The following EPPIN variants were observed in gnomAD, a reference collection of about 807,000 sequenced individuals.
EPPIN encodes the protein epididymal peptidase inhibitor, also known as WAP four-disulfide core domain protein 7.
In EPPIN, 14 loss-of-function variants were observed where a neutral mutation model predicts 18.8. That is an observed-to-expected ratio of 0.75 (90% confidence interval 0.49 to 1.17). The LOEUF (loss-of-function observed/expected upper bound fraction) is 1.17, where lower values mean the gene tolerates loss of function less well. EPPIN is among the 50% of genes most tolerant of loss of function. The pLI is 0.00. For missense variants in EPPIN, 143 were observed against 154.2 expected, an observed-to-expected ratio of 0.93 and a Z score of 0.39; for synonymous variants, 57 against 54.8, an observed-to-expected ratio of 1.04 and a Z score of -0.18.
chr20:45,541,516 C>G lies in EPPIN; in HGVS notation c.*628G>C, dbSNP rs538044406. 6.6e-6 allele frequency: 1 copy of G among 152,338 alleles called. No individual in the cohort carries two copies. The highest frequency in any genetic ancestry group is 1.5e-5 in the Non-Finnish European group (1 of 68,140). The allele number at this position is 152,338 out of a possible 1,614,324, so 9.4% of individuals were successfully genotyped here. A position where few individuals can be genotyped will look rare whatever the true frequency, so the allele number is the denominator to read the frequency against. On this transcript the variant is annotated 3_prime_UTR_variant, in exon 4 of 4. Transcript: ENST00000354280. ...AATAGACTCTTCTCTCTTCCCTTCT[C>G]TTCCCTGAATTACTCATCTCACTCC...
intron 1 of EPPIN, chr20:45,546,049 G>GT: frequency 2.1e-6 from 1 of 485,894 alleles, no homozygotes. Flanking sequence ...ATAATTCTTT[G>GT]TTTGGGGGGC....
chr20:45,547,288 G>A lies in EPPIN; in HGVS notation c.70C>T (p.Leu24=). 1.2e-6 allele frequency: 2 copies of A among 1,613,970 alleles called. No homozygotes were observed. The highest frequency in any genetic ancestry group is 1.7e-6 in the Non-Finnish European group (2 of 1,179,886). Residue 24 remains leucine (L), a synonymous_variant, in exon 1 of 4, where the codon CTG becomes TTG. Transcript: ENST00000354280. ...TTACTGGGAAATAACCAATCAGTCA[G>A]ACCAGGTCCCTGGACATTCGCTAAG... The part of the protein sequence containing the change: ...VLLANVQGPG[L]TDWLFPRRCP...
At chr20:45,547,207 T>C in intron 1 of EPPIN, 60 bp downstream of exon 1, 1 of 1,610,750 alleles carries the variant, frequency 6.2e-7, no homozygotes, top group Non-Finnish European at 8.5e-7. Context: ...AGTTCTTCCC[T>C]GTTCCTTCCT....
At chr20:45,546,125 C>A in intron 1 of EPPIN, 2 of 354,690 alleles carry the variant, frequency 5.6e-6, no homozygotes, top group Non-Finnish European at 1.0e-5. Context: ...CCAGTAGCAC[C>A]CCTGATTGTA....
At chr20:45,542,325 C>T in intron 3 of EPPIN, 171 bp from the exon 4 acceptor site, 2 of 857,088 alleles carry the variant, frequency 2.3e-6, no homozygotes, top group Non-Finnish European at 3.5e-6. Flanking sequence ...GAATCGCTGC[C>T]AAAGAGTTGT....
chr20:45,547,182 A>C, intron 1 of EPPIN, 85 bp downstream of exon 1: 1 of 1,575,554 alleles, frequency 6.3e-7, no homozygotes, highest in Non-Finnish European at 8.6e-7. Context: ...GGTGGAAAGC[A>C]ACCCACATCT....
At position 45,542,714 on chromosome 20, in the gene EPPIN, G is replaced by A. The variant is rs912074474; in HGVS notation, c.377C>T (p.Thr126Ile). 31 of 1,613,766 alleles carry A rather than the reference G, an allele frequency of 1.9e-5. No individual in the cohort carries two copies. The East Asian group carries it at 6.0e-4, about 31-fold the overall frequency. The change falls in exon 3 of 4, where the codon ACC becomes ATC. Residue 126 changes from threonine (T) to isoleucine (I), a missense_variant. Transcript: ENST00000354280. ...NFQSKANCLNTCKNKRFP is the reference protein window; with the variant it reads ...NFQSKANCLNICKNKRFP ...CTAGGACTTACGTTTATTCTTGCAG[G>A]TGTTCAGGCAGTTGGCTTTGGATTG...
chr20:45,545,573 T>C, intron 2 of EPPIN, 66 bp downstream of exon 2: 1 of 1,608,844 alleles, frequency 6.2e-7, no homozygotes, highest in Non-Finnish European at 8.5e-7. Flanking sequence ...ACAAAGCCAG[T>C]CCAGGAAGGC....
intron 1 of EPPIN, 135 bp from the exon 2 acceptor site, chr20:45,545,905 A>AG: frequency 7.2e-7 from 1 of 1,383,506 alleles, no homozygotes; most frequent in Non-Finnish European, 9.8e-7. Flanking sequence ...TCTTTTCCTC[A>AG]GGGCAGCCTC....
Position 45,547,296 on chromosome 20 carries a change from C to A in EPPIN, c.62G>T (p.Gly21Val), listed in dbSNP as rs1248660436. The A allele has an allele frequency of 6.2e-7, 1 of 1,613,952 alleles. No individual in the cohort carries two copies. Among genetic ancestry groups the A allele is most frequent in the South Asian group, 1.1e-5 (1 of 91,084 alleles). ...AAATAACCAATCAGTCAGACCAGGT[C>A]CCTGGACATTCGCTAAGAGGACGAA... is the stretch of plus-strand genomic sequence containing the variant. Reference protein sequence around the residue: ...VLFVLLANVQGPGLTDWLFPR... With the variant: ...VLFVLLANVQVPGLTDWLFPR... The change falls in exon 1 of 4, where the codon GGA (glycine) becomes GTA (valine). Residue 21 changes from glycine to valine, a missense_variant. Transcript: ENST00000354280.
chr20:45,542,630 G>A, intron 3 of EPPIN, 70 bp downstream of exon 3: 1 of 1,560,566 alleles, frequency 6.4e-7, no homozygotes. Context: ...TCCTGGAATG[G>A]ACCAGCCAAC....
intron 2 of EPPIN, 169 bp from the exon 3 acceptor site, chr20:45,543,036 A>T: frequency 2.7e-6 from 3 of 1,094,466 alleles, no homozygotes; most frequent in Non-Finnish European, 3.7e-6. Context: ...TTGCAAGGAG[A>T]CCCCAGAGTG....
At chr20:45,546,095 AG>A (rs1430302357) in intron 1 of EPPIN, 2 of 417,542 alleles carry the variant, frequency 4.8e-6, no homozygotes, top group Non-Finnish European at 8.4e-6. Context: ...GCAGCATCCC[AG>A]GCCTCTTCCC....
At chr20:45,545,894 T>C (rs1979809779) in intron 1 of EPPIN, 124 bp from the exon 2 acceptor site, 1 of 1,467,814 alleles carries the variant, frequency 6.8e-7, no homozygotes, top group Non-Finnish European at 9.2e-7. Flanking sequence ...CCCCCAGGAG[T>C]TCTTTTCCTC....
intron 2 of EPPIN, chr20:45,545,395 C>A: frequency 1.8e-6 from 1 of 544,914 alleles, no homozygotes; most frequent in Non-Finnish European, 3.0e-6. Flanking sequence ...TGATTCAATG[C>A]CACTGATTCA....
chr20:45,542,740 G>A lies in EPPIN; in HGVS notation c.351C>T (p.Phe117=). 1.2e-6 allele frequency: 2 copies of A among 1,613,968 alleles called. No individual in the cohort carries two copies. The highest frequency in any genetic ancestry group is 1.7e-6 in the Non-Finnish European group (2 of 1,179,876). Residue 117 remains phenylalanine, a synonymous_variant, in exon 3 of 4, where the codon TTC becomes TTT. Transcript: ENST00000354280. ...YGGCQGNNNN[F]QSKANCLNTC... ...TGTTCAGGCAGTTGGCTTTGGATTGGAAGTTGTTATTGTTTCCCTGGCAGC... is the reference window on the plus strand; with the variant it reads ...TGTTCAGGCAGTTGGCTTTGGATTGAAAGTTGTTATTGTTTCCCTGGCAGC...
At chr20:45,542,265 G>A in intron 3 of EPPIN, 111 bp from the exon 4 acceptor site, 1 of 1,449,020 alleles carries the variant, frequency 6.9e-7, no homozygotes, top group Non-Finnish European at 9.4e-7. Flanking sequence ...AAAGTAGTGG[G>A]TTTGCTTTGG....
At chr20:45,545,253 A>G in intron 2 of EPPIN, 1 of 199,884 alleles carries the variant, frequency 5.0e-6, no homozygotes, top group Non-Finnish European at 1.0e-5. Context: ...AGAGGTGGTC[A>G]CTCCATAGCA....
intron 3 of EPPIN, chr20:45,542,355 A>G: frequency 1.4e-6 from 1 of 720,744 alleles, no homozygotes; most frequent in Non-Finnish European, 2.2e-6. Flanking sequence ...TTGATGGCTT[A>G]GAAGGGTTGG....
Sources: allele counts gnomAD v4.1 joint callset, GRCh38; gene constraint gnomAD v4.1.1; transcripts MANE v1.5; gene names NCBI Gene and HGNC (gene_info 2026-07-23, HGNC 2026-07-21).